Variants in CD2AP observed in about 807,000 individuals in gnomAD.
The protein encoded by CD2AP is CD2-associated protein.
CD2AP carries 46 observed loss-of-function variants against 85.1 expected under a neutral mutation model. The observed-to-expected ratio is 0.54, with a 90% confidence interval of 0.43 to 0.69. The LOEUF is 0.69. Among genes scored for constraint, CD2AP ranks in the 30% least tolerant of loss-of-function variants. CD2AP has a pLI of 0.00. For synonymous variants in CD2AP, 255 were observed against 252.9 expected (o/e 1.01, Z -0.08); for missense variants, 769 against 729.5 (o/e 1.05, Z -0.62).
At chr6:47,592,299 C>T (rs889979020) in intron 11 of CD2AP, among the ~76,000 whole-genome samples, 1 of 151,942 alleles carries the variant, frequency 6.6e-6, no homozygotes, top group Admixed American at 6.6e-5. Flanking sequence ...TGGATGTTCT[C>T]AAAAGAATGA....
chr6:47,613,189 A>G (rs539042888), intron 17 of CD2AP, among the ~76,000 whole-genome samples: 82 of 152,266 alleles, frequency 5.4e-4, no homozygotes, highest in Middle Eastern at 3.4e-3. Context: ...ATCTTCCAAA[A>G]TATTGACATT....
intron 17 of CD2AP, among the ~76,000 whole-genome samples, chr6:47,613,805 A>C (rs1015139399): frequency 6.6e-6 from 1 of 152,196 alleles, no homozygotes; most frequent in Non-Finnish European, 1.5e-5. Flanking sequence ...TCTTCTTTCA[A>C]TAGAAGGCTG....
At chr6:47,571,099 G>T (rs1468389328) in intron 5 of CD2AP, among the ~76,000 whole-genome samples, 1 of 151,668 alleles carries the variant, frequency 6.6e-6, no homozygotes, top group Admixed American at 6.6e-5. Flanking sequence ...TCTTAAAGTT[G>T]TCTTTATCAA....
intron 3 of CD2AP, among the ~76,000 whole-genome samples, chr6:47,538,681 G>A (rs1220247629): frequency 1.3e-5 from 2 of 152,160 alleles, no homozygotes; most frequent in African/African-American, 2.4e-5. Context: ...TGAAGTTTTA[G>A]CATTCAACCT....
At chr6:47,546,524 A>T (rs1438087429) in intron 4 of CD2AP, among the ~76,000 whole-genome samples, 1 of 152,168 alleles carries the variant, frequency 6.6e-6, no homozygotes, top group African/African-American at 2.4e-5. Context: ...TCACAAAAAG[A>T]TTATTGCCTG....
intron 5 of CD2AP, among the ~76,000 whole-genome samples, chr6:47,570,443 A>G (rs1768117234): frequency 6.6e-6 from 1 of 152,170 alleles, no homozygotes; most frequent in Admixed American, 6.5e-5. Flanking sequence ...AAGTGTTAGA[A>G]GTACCATATA....
intron 2 of CD2AP, among the ~76,000 whole-genome samples, chr6:47,520,812 A>C: frequency 7.2e-6 from 1 of 138,000 alleles, no homozygotes; most frequent in East Asian, 2.1e-4. Flanking sequence ...CTGTCTTGCC[A>C]GTCTGCCTGT....
At chr6:47,589,909 G>A (rs905526041) in intron 11 of CD2AP, among the ~76,000 whole-genome samples, 1 of 152,064 alleles carries the variant, frequency 6.6e-6, no homozygotes, top group Non-Finnish European at 1.5e-5. Flanking sequence ...GAACACTGAA[G>A]TTCAACTTCT....
chr6:47,505,596 A>G (rs1766125451), intron 2 of CD2AP, among the ~76,000 whole-genome samples: 2 of 129,060 alleles, frequency 1.5e-5, no homozygotes, highest in African/African-American at 5.7e-5. Flanking sequence ...CACCTCCCGG[A>G]CGGGGCGGCT....
At chr6:47,588,365 G>C (rs1340689814) in intron 11 of CD2AP, among the ~76,000 whole-genome samples, 2 of 152,102 alleles carry the variant, frequency 1.3e-5, no homozygotes, top group Non-Finnish European at 2.9e-5. Flanking sequence ...GTTCTCTAAT[G>C]CGTTACACAA....
At chr6:47,561,988 C>T (rs1767874904) in intron 5 of CD2AP, among the ~76,000 whole-genome samples, 1 of 152,144 alleles carries the variant, frequency 6.6e-6, no homozygotes. Flanking sequence ...CCAAGATGGT[C>T]TCAATGACCT....
chr6:47,621,540 G>A (rs1396268271), intron 17 of CD2AP, among the ~76,000 whole-genome samples: 1 of 152,172 alleles, frequency 6.6e-6, no homozygotes, highest in African/African-American at 2.4e-5. Flanking sequence ...TTTGGTATCA[G>A]GGTGATGCTG....
intron 11 of CD2AP, among the ~76,000 whole-genome samples, chr6:47,583,649 T>C (rs946581184): frequency 2.0e-5 from 3 of 152,220 alleles, no homozygotes; most frequent in African/African-American, 7.2e-5. Context: ...TATTCCACAG[T>C]TTATTAATCC....
chr6:47,554,503 C>A (rs1397198613), intron 4 of CD2AP, 143 bp from the exon 5 acceptor site: 1 of 726,964 alleles, frequency 1.4e-6, no homozygotes, highest in African/African-American at 1.8e-5. Context: ...AATATATTTT[C>A]TTCATTGTGT....
chr6:47,610,971 A>ATATATATATATTTTT, intron 16 of CD2AP, among the ~76,000 whole-genome samples: 5 of 112,868 alleles, frequency 4.4e-5, no homozygotes, highest in South Asian at 2.8e-4. Context: ...ATATATATGT[A>ATATATATATATTTTT]TTTTTTTTTT....
intron 16 of CD2AP, among the ~76,000 whole-genome samples, chr6:47,610,966 TATGTA>T (rs1185052523): frequency 6.6e-5 from 6 of 91,136 alleles, no homozygotes; most frequent in Non-Finnish European, 1.1e-4. Context: ...TATATATATA[TATGTA>T]TTTTTTTTTT....
intron 5 of CD2AP, among the ~76,000 whole-genome samples, chr6:47,557,594 A>C (rs1274576051): frequency 6.6e-6 from 1 of 152,164 alleles, no homozygotes; most frequent in Admixed American, 6.5e-5. Context: ...TCCTTTCCCC[A>C]TTGCTGGTTT....
intron 1 of CD2AP, among the ~76,000 whole-genome samples, chr6:47,502,986 C>T (rs1766036749): frequency 1.3e-5 from 2 of 152,188 alleles, no homozygotes; most frequent in South Asian, 4.1e-4. Context: ...ACCTCAGAGT[C>T]TGTCTGCTAC....
intron 17 of CD2AP, among the ~76,000 whole-genome samples, chr6:47,616,472 G>T (rs1462682229): frequency 6.6e-6 from 1 of 152,104 alleles, no homozygotes; most frequent in East Asian, 1.9e-4. Flanking sequence ...GTGAACTTAG[G>T]CAAGTCACTT....
Sources: allele counts gnomAD v4.1 joint callset (sites outside exome capture counted in the v4.1 genomes callset), GRCh38; gene constraint gnomAD v4.1.1; transcripts MANE v1.5; gene names NCBI Gene and HGNC (gene_info 2026-07-23, HGNC 2026-07-21).